Variants in NPAS3 observed in about 807,000 individuals in gnomAD.
NPAS3 encodes the protein neuronal PAS domain protein 3, also known as neuronal PAS domain-containing protein 3.
NPAS3 carries 14 observed loss-of-function variants against 73.1 expected under a neutral mutation model. The observed-to-expected ratio is 0.19, with a 90% confidence interval of 0.13 to 0.30. NPAS3 has a LOEUF of 0.30. Among genes scored for constraint, NPAS3 ranks in the 10% least tolerant of loss-of-function variants. NPAS3 has a pLI of 1.00. For missense variants in NPAS3, 1,096 were observed against 1,250.0 expected (o/e 0.88, Z 1.86); for synonymous variants, 620 against 541.5 (o/e 1.14, Z -2.01).
intron 1 of NPAS3, among the ~76,000 whole-genome samples, chr14:33,016,577 A>G (rs1048854799): frequency 5.3e-5 from 8 of 150,560 alleles, no homozygotes; most frequent in Admixed American, 4.7e-4. Flanking sequence ...AGAACCATGA[A>G]AAAAGATTTA....
At chr14:33,639,633 A>G (rs1045786905) in intron 5 of NPAS3, among the ~76,000 whole-genome samples, 13 of 152,154 alleles carry the variant, frequency 8.5e-5, no homozygotes, top group Non-Finnish European at 1.5e-4. Flanking sequence ...GCTGTTCCCA[A>G]ACTAAATTGC....
intron 2 of NPAS3, among the ~76,000 whole-genome samples, chr14:33,191,957 T>C (rs906191676): frequency 1.3e-5 from 2 of 152,346 alleles, no homozygotes; most frequent in Admixed American, 6.5e-5. Context: ...CTGATGTGTG[T>C]GTGGTTTTTT....
intron 4 of NPAS3, among the ~76,000 whole-genome samples, chr14:33,538,385 G>T (rs2054352770): frequency 1.3e-5 from 2 of 152,184 alleles, no homozygotes; most frequent in Non-Finnish European, 2.9e-5. Context: ...CTGTTGTGCT[G>T]TTAGCACAGC....
At chr14:33,472,707 C>T (rs1056375953) in intron 4 of NPAS3, among the ~76,000 whole-genome samples, 2 of 150,188 alleles carry the variant, frequency 1.3e-5, no homozygotes, top group South Asian at 2.1e-4. Flanking sequence ...GTGTTTTTGT[C>T]CTCAGTGGCT....
At chr14:33,190,270 G>C (rs1309339547) in intron 2 of NPAS3, among the ~76,000 whole-genome samples, 2 of 152,170 alleles carry the variant, frequency 1.3e-5, no homozygotes, top group African/African-American at 4.8e-5. Flanking sequence ...GACATGTATT[G>C]GCAAGTTTCA....
intron 3 of NPAS3, among the ~76,000 whole-genome samples, chr14:33,273,631 G>T (rs2140024437): frequency 6.6e-6 from 1 of 152,176 alleles, no homozygotes. Context: ...AAATAGTTTA[G>T]ACAAAGGTCA....
At chr14:33,737,164 A>G (rs1045509447) in intron 7 of NPAS3, among the ~76,000 whole-genome samples, 6 of 152,214 alleles carry the variant, frequency 3.9e-5, no homozygotes, top group Non-Finnish European at 8.8e-5. Context: ...ACTGCTATGC[A>G]GATAGCAAAG....
intron 4 of NPAS3, among the ~76,000 whole-genome samples, chr14:33,385,899 G>T (rs1057369531): frequency 5.9e-5 from 9 of 152,168 alleles, no homozygotes; most frequent in African/African-American, 1.9e-4. Context: ...ACTGACGCTG[G>T]CCTTATGAAA....
chr14:33,746,978 A>G lies in NPAS3; in HGVS notation c.852+11646A>G, dbSNP rs538848611. 8.0e-5 allele frequency among the ~76,000 whole-genome samples: 12 copies of G among 149,166 alleles called. No individual in the cohort carries two copies. The South Asian group carries it at 2.5e-3, about 31-fold the overall frequency. On this transcript the variant is annotated intron_variant, in intron 7 of 11. Coordinates refer to ENST00000356141, the Ensembl canonical transcript of NPAS3. Reference sequence around the variant, plus strand: ...TCTCATTGTTCAATTCCCACCTATGAGTGAGAATATGCAGTGTTTGGTTTT... The same window carrying G: ...TCTCATTGTTCAATTCCCACCTATGGGTGAGAATATGCAGTGTTTGGTTTT...
At chr14:32,966,837 G>C (rs1431714472) in intron 1 of NPAS3, among the ~76,000 whole-genome samples, 1 of 151,866 alleles carries the variant, frequency 6.6e-6, no homozygotes, top group Non-Finnish European at 1.5e-5. Flanking sequence ...AAAGCGTAGG[G>C]GAAACACTTC....
intron 1 of NPAS3, among the ~76,000 whole-genome samples, chr14:33,054,717 A>G (rs1444119959): frequency 6.6e-6 from 1 of 150,766 alleles, no homozygotes; most frequent in Non-Finnish European, 1.5e-5. Context: ...GATTCACACC[A>G]TTCTCCTGCC....
At chr14:33,146,562 C>T (rs1392515936) in intron 2 of NPAS3, among the ~76,000 whole-genome samples, 1 of 152,208 alleles carries the variant, frequency 6.6e-6, no homozygotes, top group Non-Finnish European at 1.5e-5. Flanking sequence ...GACACAATCC[C>T]TGCTCTCAAG....
chr14:33,641,184 T>C (rs1055801137), intron 5 of NPAS3, among the ~76,000 whole-genome samples: 1 of 152,232 alleles, frequency 6.6e-6, no homozygotes, highest in Non-Finnish European at 1.5e-5. Flanking sequence ...CCGTTTTGAC[T>C]TGTTTATCTA....
chr14:33,722,285 T>A (rs1246049071), intron 6 of NPAS3, among the ~76,000 whole-genome samples: 2 of 152,190 alleles, frequency 1.3e-5, no homozygotes, highest in Non-Finnish European at 2.9e-5. Context: ...TGCCCATGGT[T>A]TGAGAAAACG....
chr14:33,310,538 A>C (rs1029987783), intron 3 of NPAS3, among the ~76,000 whole-genome samples: 1 of 152,150 alleles, frequency 6.6e-6, no homozygotes, highest in African/African-American at 2.4e-5. Context: ...CAACATTCAA[A>C]CAGATTATCA....
chr14:33,377,271 G>A (rs868506004), intron 4 of NPAS3, among the ~76,000 whole-genome samples: 1 of 152,056 alleles, frequency 6.6e-6, no homozygotes, highest in Non-Finnish European at 1.5e-5. Flanking sequence ...GTTTATAAAG[G>A]GACTCCAGAA....
At chr14:33,514,606 A>G (rs532360207) in intron 4 of NPAS3, among the ~76,000 whole-genome samples, 3 of 152,208 alleles carry the variant, frequency 2.0e-5, no homozygotes, top group African/African-American at 7.2e-5. Context: ...CACAAAATTT[A>G]ACAAATTGAA....
At chr14:33,158,170 G>A (rs192371860) in intron 2 of NPAS3, among the ~76,000 whole-genome samples, 7 of 152,272 alleles carry the variant, frequency 4.6e-5, no homozygotes, top group East Asian at 3.9e-4. Context: ...AAGCACCAGC[G>A]GATTGTACCG....
chr14:33,793,807 A>G (rs2063433935), intron 9 of NPAS3, 90 bp from the exon 10 acceptor site: 4 of 1,286,468 alleles, frequency 3.1e-6, no homozygotes, highest in Non-Finnish European at 3.2e-6. Context: ...TCCCATTTTT[A>G]GGCTTAAGGT....
Sources: gnomAD v4.1 joint callset for allele counts (sites outside exome capture counted in the v4.1 genomes callset) on GRCh38, gnomAD v4.1.1 for gene constraint, MANE v1.5 for transcripts, NCBI Gene and HGNC (gene_info 2026-07-23, HGNC 2026-07-21) for gene names.